The following SORCS3 variants were observed in gnomAD, a reference collection of about 807,000 sequenced individuals.
SORCS3 encodes the protein VPS10 domain-containing receptor SorCS3.
SORCS3 carries 57 observed loss-of-function variants against 146.3 expected under a neutral mutation model. The ratio of observed to expected loss-of-function variants is 0.39; its 90% CI spans 0.31 to 0.49. The LOEUF (loss-of-function observed/expected upper bound fraction) is 0.49, where lower values mean the gene tolerates loss of function less well. Ranked by LOEUF, SORCS3 falls within the 20% of genes least tolerant of loss-of-function variation. The pLI, the probability that SORCS3 is intolerant of heterozygous loss-of-function variation, is 0.92. For missense variants in SORCS3, 1,341 were observed against 1,575.5 expected (o/e 0.85, Z 2.52); for synonymous variants, 653 against 618.5 (o/e 1.06, Z -0.83).
At chr10:104,880,824 G>A (rs1033083060) in intron 2 of SORCS3, among the ~76,000 whole-genome samples, 1 of 152,154 alleles carries the variant, frequency 6.6e-6, no homozygotes, top group Non-Finnish European at 1.5e-5. Context: ...TTACTGAGCT[G>A]ATCCTGCTTC....
At chr10:104,737,217 T>G (rs2016784536) in intron 1 of SORCS3, among the ~76,000 whole-genome samples, 1 of 152,222 alleles carries the variant, frequency 6.6e-6, no homozygotes, top group Non-Finnish European at 1.5e-5. Context: ...TTTGCTATTG[T>G]GAATAGTGCC....
chr10:104,897,714 T>G (rs1179389917), intron 2 of SORCS3, among the ~76,000 whole-genome samples: 1 of 152,208 alleles, frequency 6.6e-6, no homozygotes, highest in Non-Finnish European at 1.5e-5. Context: ...TTTGATTTCA[T>G]TTTTCCTTTG....
chr10:104,981,308 G>T (rs1257044085), intron 4 of SORCS3, among the ~76,000 whole-genome samples: 3 of 152,012 alleles, frequency 2.0e-5, no homozygotes, highest in African/African-American at 7.2e-5. Flanking sequence ...GGGTATCTTT[G>T]TAGATATTTT....
At position 104,721,693 on chromosome 10, in the gene SORCS3, G is replaced by A. The variant is rs373226274; in HGVS notation, c.627+79739G>A. On this transcript the variant is annotated intron_variant, in intron 1 of 26. Transcript: ENST00000369701. ...AGTTCTCCTTGAAGAGGTCCTTCAC[G>A]TCCCTTATAAGTTGGATTCCTAGGT... 2.5e-3 allele frequency among the ~76,000 whole-genome samples: 375 copies of A among 152,056 alleles called. 9 individuals are homozygous for A. The highest frequency in any genetic ancestry group is 1.4e-3 in the East Asian group (7 of 5,184).
At chr10:104,732,870 G>A (rs923700885) in intron 1 of SORCS3, among the ~76,000 whole-genome samples, 5 of 152,100 alleles carry the variant, frequency 3.3e-5, no homozygotes, top group Admixed American at 2.6e-4. Context: ...TAGGGGTGGG[G>A]GTAGCTGGAC....
chr10:105,183,962 C>G (rs964169928), intron 14 of SORCS3, among the ~76,000 whole-genome samples: 8 of 152,184 alleles, frequency 5.3e-5, no homozygotes, highest in Admixed American at 5.2e-4. Context: ...ACCTATGTGA[C>G]TTTAGTGCCT....
intron 17 of SORCS3, among the ~76,000 whole-genome samples, chr10:105,214,123 T>C (rs2056650818): frequency 6.6e-6 from 1 of 152,164 alleles, no homozygotes; most frequent in Admixed American, 6.5e-5. Context: ...TGAGTCTGCC[T>C]CCTCTTTTGT....
chr10:105,111,473 G>C (rs1299830956), intron 7 of SORCS3, among the ~76,000 whole-genome samples: 2 of 152,152 alleles, frequency 1.3e-5, no homozygotes, highest in African/African-American at 4.8e-5. Context: ...CTATTCTCAG[G>C]AAGTGTAGTT....
chr10:105,214,588 C>A lies in SORCS3; in HGVS notation c.2522C>A (p.Ala841Glu). The change falls in exon 18 of 27, where the codon GCA becomes GAA. Residue 841 changes from alanine to glutamate, a missense_variant. Coordinates refer to ENST00000369701, the MANE Select transcript of SORCS3 (RefSeq NM_014978.3). ...CTGGTGGCAGAGCAGGGGCACAATG[C>A]AACTTTCATCATCCTCATGGAGGAG... ...GRLVAEQGHNATFIILMEEGD... is the reference protein window; with the variant it reads ...GRLVAEQGHNETFIILMEEGD... The A allele has an allele frequency of 6.3e-7, 1 of 1,596,990 alleles. No individual in the cohort carries two copies. Among genetic ancestry groups the A allele is most frequent in the Non-Finnish European group, 8.5e-7 (1 of 1,171,360 alleles).
intron 25 of SORCS3, 54 bp from the exon 26 acceptor site, chr10:105,262,277 C>T (rs2056965224): frequency 1.9e-6 from 3 of 1,561,372 alleles, no homozygotes; most frequent in Non-Finnish European, 2.6e-6. Context: ...TTCCAGCTGC[C>T]CAAGTTTGGC....
At chr10:104,687,972 CT>C (rs2016067916) in intron 1 of SORCS3, among the ~76,000 whole-genome samples, 1 of 152,254 alleles carries the variant, frequency 6.6e-6, no homozygotes, top group Non-Finnish European at 1.5e-5. Flanking sequence ...TCATCCACAT[CT>C]CTAGCTTTGG....
At chr10:105,154,475 A>G (rs1483425788) in intron 9 of SORCS3, among the ~76,000 whole-genome samples, 3 of 152,184 alleles carry the variant, frequency 2.0e-5, no homozygotes, top group Non-Finnish European at 2.9e-5. Flanking sequence ...CCCAGAGGGA[A>G]AGTGGGCCAC....
intron 3 of SORCS3, among the ~76,000 whole-genome samples, chr10:104,950,023 T>C (rs2019412182): frequency 1.3e-5 from 2 of 152,214 alleles, no homozygotes; most frequent in South Asian, 4.1e-4. Context: ...GTCAGGTGAA[T>C]CATGGGCAGC....
rs1589520153 is a variant in SORCS3, at chr10:104,841,865, T to C, written c.628-927T>C. ...AACACAATTATGTGTAACTGGATTATCACGCGTGCAGGCAGGCAATGTGTA... is the reference window on the plus strand; with the variant it reads ...AACACAATTATGTGTAACTGGATTACCACGCGTGCAGGCAGGCAATGTGTA... On this transcript the variant is annotated intron_variant, in intron 1 of 26. Transcript: ENST00000369701. 2.0e-5 allele frequency among the ~76,000 whole-genome samples: 3 copies of C among 152,332 alleles called. No homozygotes were observed. The East Asian group carries it at 5.8e-4, about 29-fold the overall frequency.
intron 1 of SORCS3, among the ~76,000 whole-genome samples, chr10:104,715,900 C>T (rs1185603483): frequency 6.6e-6 from 1 of 152,204 alleles, no homozygotes; most frequent in East Asian, 1.9e-4. Flanking sequence ...ACGCCACCCT[C>T]TTCTCTGGCT....
chr10:105,122,621 A>G (rs550670134), intron 7 of SORCS3, among the ~76,000 whole-genome samples: 1 of 152,330 alleles, frequency 6.6e-6, no homozygotes, highest in South Asian at 2.1e-4. Flanking sequence ...AAGACGGAGA[A>G]CGTGTCAGTC....
chr10:104,833,455 A>C (rs778525979), intron 1 of SORCS3, among the ~76,000 whole-genome samples: 1 of 152,110 alleles, frequency 6.6e-6, no homozygotes, highest in Non-Finnish European at 1.5e-5. Context: ...CATTCTATAC[A>C]GGAGCCCACA....
At chr10:104,951,207 C>A (rs1303773629) in intron 3 of SORCS3, among the ~76,000 whole-genome samples, 1 of 152,098 alleles carries the variant, frequency 6.6e-6, no homozygotes, top group African/African-American at 2.4e-5. Context: ...TTCTTTTGGA[C>A]TGAATTTTTT....
At chr10:105,005,517 A>G (rs1007610780) in intron 4 of SORCS3, among the ~76,000 whole-genome samples, 7 of 144,046 alleles carry the variant, frequency 4.9e-5, no homozygotes, top group Non-Finnish European at 6.1e-5. Flanking sequence ...GTTGCTAGCC[A>G]GTGAAGTGTT....
Sources: gnomAD v4.1 joint callset for allele counts (sites outside exome capture counted in the v4.1 genomes callset) on GRCh38, gnomAD v4.1.1 for gene constraint, MANE v1.5 for transcripts, NCBI Gene and HGNC (gene_info 2026-07-23, HGNC 2026-07-21) for gene names.